RBMS3: variants seen among roughly 807,000 people sequenced by gnomAD.
RBMS3 encodes RNA binding motif single stranded interacting protein 3, also known as RNA-binding motif, single-stranded-interacting protein 3.
A neutral mutation model predicts 66.8 loss-of-function variants in RBMS3; 27 were observed. The observed-to-expected ratio is 0.40, with a 90% CI of 0.30 to 0.56. RBMS3 has a LOEUF of 0.56. RBMS3 is among the 20% of genes least tolerant of loss of function. The probability of loss-of-function intolerance (pLI) is 0.40; values close to 1 mark genes in which losing one functional copy is unlikely to be tolerated. For missense variants in RBMS3, 513 were observed against 549.5 expected (o/e 0.93, Z 0.66); for synonymous variants, 188 against 183.0 (o/e 1.03, Z -0.22).
chr3:29,412,216 A>G (rs1035140805), intron 1 of RBMS3, among the ~76,000 whole-genome samples: 2 of 152,188 alleles, frequency 1.3e-5, no homozygotes, highest in Non-Finnish European at 2.9e-5. Context: ...ATGTATGACT[A>G]TGCTTGAAAT....
intron 4 of RBMS3, among the ~76,000 whole-genome samples, chr3:29,728,854 G>A (rs1383422750): frequency 6.6e-6 from 1 of 151,996 alleles, no homozygotes; most frequent in Non-Finnish European, 1.5e-5. Flanking sequence ...AATGCATATG[G>A]CTTTACAGGG....
intron 1 of RBMS3, among the ~76,000 whole-genome samples, chr3:29,413,696 CTTGGATCCTCAGTG>C (rs1189972780): frequency 6.6e-6 from 1 of 152,082 alleles, no homozygotes; most frequent in Non-Finnish European, 1.5e-5. Context: ...TCATTTTTCC[CTTGGATCCTCAGTG>C]CTGGATTTCC....
chr3:29,462,642 C>G (rs2125782801), intron 2 of RBMS3, among the ~76,000 whole-genome samples: 1 of 152,220 alleles, frequency 6.6e-6, no homozygotes, highest in Middle Eastern at 3.4e-3. Context: ...TTACTTTACC[C>G]CTGTTTCTCT....
At chr3:29,585,745 C>A (rs760620949) in intron 3 of RBMS3, among the ~76,000 whole-genome samples, 2 of 151,862 alleles carry the variant, frequency 1.3e-5, no homozygotes, top group African/African-American at 2.4e-5. Context: ...ACTTACATTA[C>A]CCATTTAGTT....
chr3:29,612,091 C>T (rs555647592), intron 4 of RBMS3, among the ~76,000 whole-genome samples: 1 of 152,042 alleles, frequency 6.6e-6, no homozygotes, highest in Non-Finnish European at 1.5e-5. Flanking sequence ...CATAGGGTTG[C>T]TGTGAGAATC....
At chr3:29,514,539 A>G (rs1421551860) in intron 3 of RBMS3, among the ~76,000 whole-genome samples, 5 of 151,716 alleles carry the variant, frequency 3.3e-5, no homozygotes, top group Middle Eastern at 3.4e-3. Flanking sequence ...TCAAACATGT[A>G]CTTTTGGAAA....
chr3:29,447,768 T>C (rs1400745834), intron 2 of RBMS3, among the ~76,000 whole-genome samples: 2 of 152,344 alleles, frequency 1.3e-5, no homozygotes, highest in Admixed American at 6.5e-5. Flanking sequence ...TACGCTGTAC[T>C]GAAACTCTCT....
In RBMS3 at chr3:29,311,580, G is replaced by A. The variant is rs557814796; in HGVS notation, c.75+29824G>A. On this transcript the variant is annotated intron_variant, in intron 1 of 14. Transcript: ENST00000383767. ...GGTGCCATATAATTTAGATTCAGGT[G>A]TTTGGGGAAAGTTTGAGGTTTACTA... is the stretch of plus-strand genomic sequence containing the variant. Among the ~76,000 whole-genome samples, 8 of 151,880 alleles carry A rather than the reference G, an allele frequency of 5.3e-5. 1 individual carries two copies. The highest frequency in any genetic ancestry group is 6.6e-5 in the Admixed American group (1 of 15,228).
At chr3:29,789,165 A>ATT (rs199508102) in intron 6 of RBMS3, among the ~76,000 whole-genome samples, 1 of 151,644 alleles carries the variant, frequency 6.6e-6, no homozygotes, top group African/African-American at 2.4e-5. Flanking sequence ...TTCATGATGT[A>ATT]TTTTTTTTGC....
chr3:29,607,899 T>C (rs2149128392), intron 4 of RBMS3, among the ~76,000 whole-genome samples: 1 of 152,120 alleles, frequency 6.6e-6, no homozygotes, highest in East Asian at 1.9e-4. Context: ...ATAAGCTTTG[T>C]GGAAAAAGAT....
intron 5 of RBMS3, among the ~76,000 whole-genome samples, chr3:29,753,579 T>C (rs11709462): frequency 0.024 from 3,581 of 152,338 alleles, 69 homozygotes; most frequent in Middle Eastern, 0.065. Flanking sequence ...CCACAGTTTT[T>C]GCCAGTGACT....
chr3:29,461,513 A>C (rs2042368501), intron 2 of RBMS3, among the ~76,000 whole-genome samples: 1 of 152,242 alleles, frequency 6.6e-6, no homozygotes, highest in South Asian at 2.1e-4. Context: ...TTGCAGAAAG[A>C]AGCTTTGATA....
At chr3:29,993,088 C>G (rs886206166) in intron 14 of RBMS3, among the ~76,000 whole-genome samples, 2 of 150,998 alleles carry the variant, frequency 1.3e-5, no homozygotes, top group African/African-American at 5.0e-5. Flanking sequence ...GTCAGTTTTA[C>G]AAATTAAATT....
chr3:29,480,576 C>T (rs2043095681), intron 2 of RBMS3, among the ~76,000 whole-genome samples: 1 of 152,156 alleles, frequency 6.6e-6, no homozygotes, highest in Non-Finnish European at 1.5e-5. Context: ...ATGCTAGTAA[C>T]TGAATATTTT....
intron 1 of RBMS3, among the ~76,000 whole-genome samples, chr3:29,365,068 T>A (rs2037821460): frequency 6.6e-6 from 1 of 152,110 alleles, no homozygotes; most frequent in South Asian, 2.1e-4. Flanking sequence ...ATTTTTGATA[T>A]TTTATATTAG....
intron 4 of RBMS3, among the ~76,000 whole-genome samples, chr3:29,711,211 C>T (rs1293238634): frequency 6.6e-6 from 1 of 152,118 alleles, no homozygotes; most frequent in East Asian, 1.9e-4. Context: ...TCATTGTGAT[C>T]CCTCTCTCAA....
chr3:29,970,902 T>G (rs1339967541), intron 12 of RBMS3, among the ~76,000 whole-genome samples: 1 of 152,218 alleles, frequency 6.6e-6, no homozygotes, highest in Non-Finnish European at 1.5e-5. Context: ...GTGGTTTAAA[T>G]GCCTTTTAAT....
chr3:29,840,150 G>A lies in RBMS3; in HGVS notation c.638-28708G>A, dbSNP rs72848034. On this transcript the variant is annotated intron_variant, in intron 6 of 14. Coordinates refer to ENST00000383767, the MANE Select transcript of RBMS3 (RefSeq NM_001003793.3). ...GATCTCTATGGGGCAACAGCATATC[G>A]GCTGAGTTCAGCATTTCAAATTTTT... is the stretch of plus-strand genomic sequence containing the variant. Among the ~76,000 whole-genome samples, 189 of 151,888 alleles carry A rather than the reference G, an allele frequency of 1.2e-3. 1 individual carries two copies. Among genetic ancestry groups the A allele is most frequent in the African/African-American group, 4.5e-3 (185 of 41,464 alleles).
chr3:29,464,112 A>C (rs2042461530), intron 2 of RBMS3, among the ~76,000 whole-genome samples: 1 of 152,120 alleles, frequency 6.6e-6, no homozygotes, highest in Non-Finnish European at 1.5e-5. Flanking sequence ...CTTGTGTACA[A>C]ATTGACCACA....
Sources: gnomAD v4.1 joint callset for allele counts (sites outside exome capture counted in the v4.1 genomes callset) on GRCh38, gnomAD v4.1.1 for gene constraint, MANE v1.5 for transcripts, NCBI Gene and HGNC (gene_info 2026-07-23, HGNC 2026-07-21) for gene names.